The following PDSS2 variants were observed in gnomAD, a reference collection of about 807,000 sequenced individuals.
PDSS2 encodes all trans-polyprenyl-diphosphate synthase PDSS2.
Under a neutral mutation model 44.5 loss-of-function variants are expected in PDSS2, and 31 were observed. The observed-to-expected ratio is 0.70, with a 90% CI of 0.52 to 0.94. The LOEUF is 0.94. PDSS2 is among the 40% of genes least tolerant of loss of function. The pLI, the probability that PDSS2 is intolerant of heterozygous loss-of-function variation, is 0.00. For synonymous variants in PDSS2, 157 were observed against 180.3 expected (o/e 0.87, Z 1.03); for missense variants, 452 against 482.2 (o/e 0.94, Z 0.59).
At chr6:107,301,562 A>G in intron 2 of PDSS2, among the ~76,000 whole-genome samples, 1 of 152,170 alleles carries the variant, frequency 6.6e-6, no homozygotes, top group East Asian at 1.9e-4. Flanking sequence ...ACAGACTGTA[A>G]TATTTTTTCA....
rs1356439151 is a variant in PDSS2 at position 107,212,093 on chromosome 6, AG to A, written c.876+15del. On this transcript the variant is annotated intron_variant, in intron 5 of 7. Coordinates refer to ENST00000369037, the MANE Select transcript of PDSS2 (RefSeq NM_020381.4). ...CTATTTAAGTACTGAAAAAAGATAA[AG>A]GGTGTGCAAAGTACCTTATGACTCA... 6.2e-7 allele frequency: 1 copy of A among 1,607,938 alleles called. No homozygotes were observed. The highest frequency in any genetic ancestry group is 1.7e-5 in the Admixed American group (1 of 59,994).
At chr6:107,250,741 T>C (rs1774789010) in intron 3 of PDSS2, among the ~76,000 whole-genome samples, 1 of 152,240 alleles carries the variant, frequency 6.6e-6, no homozygotes. Flanking sequence ...TCAGGAGTAC[T>C]GTCAGTTAGC....
chr6:107,334,877 C>A (rs1777833863), intron 1 of PDSS2, among the ~76,000 whole-genome samples: 1 of 152,072 alleles, frequency 6.6e-6, no homozygotes, highest in African/African-American at 2.4e-5. Flanking sequence ...GACAATCTCG[C>A]TGGTGGCAGT....
intron 7 of PDSS2, among the ~76,000 whole-genome samples, chr6:107,176,429 T>TACACACACACACAC (rs71012784): frequency 2.6e-3 from 394 of 149,800 alleles, no homozygotes; most frequent in African/African-American, 9.3e-3. Flanking sequence ...CACACACACA[T>TACACACACACACAC]ACACACACAC....
Position 107,263,138 on chromosome 6 carries a change from A to AT in PDSS2, c.630+10890dup, listed in dbSNP as rs1410470469. On this transcript the variant is annotated intron_variant, in intron 3 of 7. Coordinates refer to ENST00000369037, the MANE Select transcript of PDSS2 (RefSeq NM_020381.4). Reference sequence around the variant, plus strand: ...TATTTGCAGGTATTGTAGAATGCAGATTTTTTTTTTTCTTTTTAAAAAGGG... The same window carrying AT: ...TATTTGCAGGTATTGTAGAATGCAGATTTTTTTTTTTTCTTTTTAAAAAGGG... Among the ~76,000 whole-genome samples, 1,344 of 147,310 alleles carry AT rather than the reference A, an allele frequency of 9.1e-3. 14 individuals carry two copies. Among genetic ancestry groups the AT allele is most frequent in the African/African-American group, 0.027 (1,073 of 40,418 alleles).
Position 107,327,552 on chromosome 6 carries a change from G to A in PDSS2, c.431+6646C>T, listed in dbSNP as rs552692919. ...GGCTCACTGCAACCTCCACCTCCCA[G>A]GTTCAAGCAATTCTCTGCCTCAGTC... On this transcript the variant is annotated intron_variant, in intron 2 of 7. Transcript: ENST00000369037. Among the ~76,000 whole-genome samples the A allele has an allele frequency of 2.6e-5, 4 of 152,350 alleles. No individual in the cohort carries two copies. The East Asian group carries it at 7.7e-4, about 29-fold the overall frequency.
At chr6:107,335,400 GT>G (rs763393417) in intron 1 of PDSS2, among the ~76,000 whole-genome samples, 1 of 152,140 alleles carries the variant, frequency 6.6e-6, no homozygotes, top group Non-Finnish European at 1.5e-5. Context: ...GTAAACAGTA[GT>G]AAAAAATGAT....
chr6:107,220,372 T>C (rs1773561244), intron 4 of PDSS2, among the ~76,000 whole-genome samples: 1 of 152,002 alleles, frequency 6.6e-6, no homozygotes, highest in African/African-American at 2.4e-5. Flanking sequence ...CATTTATTCA[T>C]GCAAAAAAAA....
chr6:107,194,837 G>A (rs909660973), intron 6 of PDSS2, among the ~76,000 whole-genome samples: 7 of 152,188 alleles, frequency 4.6e-5, no homozygotes, highest in South Asian at 2.1e-4. Context: ...TGTAATCCCA[G>A]CTACTCAGAA....
At chr6:107,347,088 G>A (rs1039348255) in intron 1 of PDSS2, among the ~76,000 whole-genome samples, 6 of 152,050 alleles carry the variant, frequency 3.9e-5, no homozygotes, top group Non-Finnish European at 7.4e-5. Flanking sequence ...AAACCTCACA[G>A]ACTGCAGGAG....
Position 107,346,599 on chromosome 6 carries a change from G to GT in PDSS2, c.297-12268dup, listed in dbSNP as rs144055303. Among the ~76,000 whole-genome samples, 646 of 152,150 alleles carry GT rather than the reference G, an allele frequency of 4.2e-3. 5 individuals are homozygous for GT. Among genetic ancestry groups the GT allele is most frequent in the African/African-American group, 0.015 (628 of 41,516 alleles). On this transcript the variant is annotated intron_variant, in intron 1 of 7. Transcript: ENST00000369037. ...CACACAGGACATTTAATAAATACTTGTTTAGTGATTAATAACACAACCTGC... is the reference window on the plus strand; with the variant it reads ...CACACAGGACATTTAATAAATACTTGTTTTAGTGATTAATAACACAACCTGC...
chr6:107,437,394 G>A (rs886912182), intron 1 of PDSS2, among the ~76,000 whole-genome samples: 7 of 151,780 alleles, frequency 4.6e-5, no homozygotes, highest in African/African-American at 1.2e-4. Flanking sequence ...GCAAGGTGGC[G>A]CACACCTATA....
intron 1 of PDSS2, among the ~76,000 whole-genome samples, chr6:107,454,831 C>T (rs1781985622): frequency 6.6e-6 from 1 of 152,038 alleles, no homozygotes. Context: ...CTGCTTAATC[C>T]TTGATTTTAG....
intron 2 of PDSS2, among the ~76,000 whole-genome samples, chr6:107,302,165 C>T (rs1190311605): frequency 1.3e-5 from 2 of 151,920 alleles, no homozygotes; most frequent in Non-Finnish European, 2.9e-5. Flanking sequence ...TTTTTATAGG[C>T]AGATCTGAAG....
intron 1 of PDSS2, among the ~76,000 whole-genome samples, chr6:107,436,964 T>C (rs1781367909): frequency 6.6e-6 from 1 of 152,116 alleles, no homozygotes; most frequent in Non-Finnish European, 1.5e-5. Flanking sequence ...CTATTCCCAA[T>C]ATGAAATGGG....
At chr6:107,191,736 A>T (rs1772388486) in intron 7 of PDSS2, among the ~76,000 whole-genome samples, 1 of 152,092 alleles carries the variant, frequency 6.6e-6, no homozygotes, top group Admixed American at 6.6e-5. Context: ...TCAGCCTCCC[A>T]GGTAGCTGCA....
intron 3 of PDSS2, among the ~76,000 whole-genome samples, chr6:107,270,457 G>T (rs980570974): frequency 3.3e-4 from 50 of 152,038 alleles, no homozygotes; most frequent in Non-Finnish European, 8.8e-5. Context: ...GGCCTGAAGT[G>T]TATTTTTTAT....
At chr6:107,348,506 T>A (rs1396441830) in intron 1 of PDSS2, among the ~76,000 whole-genome samples, 1 of 152,232 alleles carries the variant, frequency 6.6e-6, no homozygotes, top group East Asian at 1.9e-4. Flanking sequence ...TTTTGTTTAT[T>A]ATTGGTACAG....
intron 2 of PDSS2, 103 bp from the exon 3 acceptor site, chr6:107,274,330 CA>C: frequency 1.1e-6 from 1 of 920,452 alleles, no homozygotes; most frequent in Non-Finnish European, 1.7e-6. Context: ...GGTTGCCCCC[CA>C]CTTTTTTTTT....
Sources: gnomAD v4.1 joint callset for allele counts (sites outside exome capture counted in the v4.1 genomes callset) on GRCh38, gnomAD v4.1.1 for gene constraint, MANE v1.5 for transcripts, NCBI Gene and HGNC (gene_info 2026-07-23, HGNC 2026-07-21) for gene names.